Variants in PCDHGA4 observed in about 807,000 individuals in gnomAD.
The protein encoded by PCDHGA4 is protocadherin gamma-A4.
A neutral mutation model predicts 54.6 loss-of-function variants in PCDHGA4; 38 were observed. The observed-to-expected ratio is 0.70, with a 90% CI of 0.54 to 0.91. The LOEUF (loss-of-function observed/expected upper bound fraction) is 0.91. PCDHGA4 is among the 40% of genes least tolerant of loss of function. The pLI, the probability that PCDHGA4 is intolerant of heterozygous loss-of-function variation, is 0.00. For missense variants in PCDHGA4, 1,298 were observed against 1,220.9 expected (o/e 1.06, Z -0.94); for synonymous variants, 511 against 512.9 (o/e 1.00, Z 0.05).
At chr5:141,371,158 T>C in intron 1 of PCDHGA4, 1 of 1,614,040 alleles carries the variant, frequency 6.2e-7, no homozygotes, top group Non-Finnish European at 8.5e-7. Context: ...GCAGAGAACC[T>C]GCCCGCTGGC....
In PCDHGA4 at chr5:141,454,796, A is replaced by ATTTT. The variant is rs61612330; in HGVS notation, c.2515-39985_2515-39982dup. Among the ~76,000 whole-genome samples, 123 of 77,452 alleles carry ATTTT rather than the reference A, an allele frequency of 1.6e-3. 16 individuals are homozygous for ATTTT. The highest frequency in any genetic ancestry group is 7.2e-3 in the South Asian group (14 of 1,958). 50.8% of individuals were successfully genotyped at this position (77,452 alleles called of 152,430 possible). On this transcript the variant is annotated intron_variant, in intron 1 of 3. Coordinates refer to ENST00000571252, the MANE Select transcript of PCDHGA4 (RefSeq NM_018917.4). ...AAGGAAATAATCCTCCATGGTTCTAATTTTTTTTTTTTTTTTTTTTTTTTT... is the reference window on the plus strand; with the variant it reads ...AAGGAAATAATCCTCCATGGTTCTAATTTTTTTTTTTTTTTTTTTTTTTTTTTTT...
rs1386912520 is a variant in PCDHGA4 at position 141,505,425 on chromosome 5, C to T, written c.2606C>T (p.Pro869Leu). 1.2e-6 allele frequency: 2 copies of T among 1,614,060 alleles called. No individual in the cohort carries two copies. The highest frequency in any genetic ancestry group is 1.7e-6 in the Non-Finnish European group (2 of 1,180,022). The change falls in exon 3 of 4, where the codon CCC becomes CTC. Residue 869 changes from proline to leucine, a missense_variant. Physicochemically the swap from Pro to Leu is moderately conservative, Grantham distance 98 (BLOSUM62 -3). Transcript: ENST00000571252. ...AATGGCGATGACACCGGCACCTGGC[C>T]CAACAACCAGTTTGACACAGAGATG... ...SQNGDDTGTW[P>L]NNQFDTEMLQ... is the part of the protein sequence containing the mutation.
chr5:141,403,242 C>A, intron 1 of PCDHGA4: 1 of 1,613,932 alleles, frequency 6.2e-7, no homozygotes, highest in Non-Finnish European at 8.5e-7. Flanking sequence ...GAGCTCTGTG[C>A]TCAGAGCCCG....
At chr5:141,503,133 C>A (rs1164077875) in intron 2 of PCDHGA4, among the ~76,000 whole-genome samples, 1 of 152,002 alleles carries the variant, frequency 6.6e-6, no homozygotes, top group Non-Finnish European at 1.5e-5. Context: ...CTGGTAGCCC[C>A]TGACACAGCC....
chr5:141,372,242 G>C (rs965293763), intron 1 of PCDHGA4: 3 of 1,613,274 alleles, frequency 1.9e-6, no homozygotes, highest in Non-Finnish European at 2.5e-6. Context: ...AGCCCGGGCT[G>C]TTCAGCCTGG....
chr5:141,390,183 T>C (rs532412915), intron 1 of PCDHGA4: 2 of 1,614,034 alleles, frequency 1.2e-6, no homozygotes, highest in Admixed American at 1.7e-5. Context: ...TTTCCTAAAA[T>C]GTAGTGAGCA....
chr5:141,462,372 C>A (rs2099038225), intron 1 of PCDHGA4, among the ~76,000 whole-genome samples: 1 of 152,096 alleles, frequency 6.6e-6, no homozygotes, highest in African/African-American at 2.4e-5. Flanking sequence ...AGTTTCTATT[C>A]TTTTAAATTC....
chr5:141,370,490 G>C (rs780342479), intron 1 of PCDHGA4: 2 of 1,613,894 alleles, frequency 1.2e-6, no homozygotes, highest in South Asian at 1.1e-5. Flanking sequence ...TCTCCGAACC[G>C]ATCCGCTACG....
In PCDHGA4 at chr5:141,370,388, G is replaced by A. The variant is rs10052885; in HGVS notation, c.2514+12767G>A. 6.8e-4 allele frequency: 1,046 copies of A among 1,542,246 alleles called. 12 individuals carry two copies. In the African/African-American group the frequency reaches 0.013, roughly 19 times the overall value. Reference sequence around the variant, plus strand: ...GGATTTAGAAAGGCAAAGGCGCAGAGAGCGGGATGGGAAATAGCTCCGGAT... The same window carrying A: ...GGATTTAGAAAGGCAAAGGCGCAGAAAGCGGGATGGGAAATAGCTCCGGAT... On this transcript the variant is annotated intron_variant, in intron 1 of 3. Coordinates refer to ENST00000571252, the MANE Select transcript of PCDHGA4 (RefSeq NM_018917.4).
intron 1 of PCDHGA4, among the ~76,000 whole-genome samples, chr5:141,459,660 T>C (rs73280323): frequency 7.9e-4 from 120 of 152,386 alleles, no homozygotes; most frequent in African/African-American, 2.7e-3. Flanking sequence ...AATATCACTT[T>C]ACATTTTCAT....
intron 1 of PCDHGA4, among the ~76,000 whole-genome samples, chr5:141,463,438 C>CTTTTTTTTT (rs71576115): frequency 4.8e-5 from 5 of 103,252 alleles, no homozygotes; most frequent in African/African-American, 2.2e-4. Context: ...TTTCCTTCTC[C>CTTTTTTTTT]TTTTTTTTTT....
At position 141,384,937 on chromosome 5, in the gene PCDHGA4, C is replaced by T. The variant is rs373048330; in HGVS notation, c.2514+27316C>T. ...CTTGGCCGACCTGGGCAGCCTTGAG[C>T]CCTCCGACGGTCCTTACAACTATGA... On this transcript the variant is annotated intron_variant, in intron 1 of 3. Coordinates refer to ENST00000571252, the MANE Select transcript of PCDHGA4 (RefSeq NM_018917.4). 4.5e-5 allele frequency: 72 copies of T among 1,613,950 alleles called. No homozygotes were observed. The highest frequency in any genetic ancestry group is 2.3e-4 in the Admixed American group (14 of 60,012).
At position 141,382,695 on chromosome 5, in the gene PCDHGA4, G is replaced by A. The variant is rs76993444; in HGVS notation, c.2514+25074G>A. ...TTCACCAACCAGGGAAAAATGGTGCGAGAGATCCCACAGAAACCACCGAGT... is the reference window on the plus strand; with the variant it reads ...TTCACCAACCAGGGAAAAATGGTGCAAGAGATCCCACAGAAACCACCGAGT... On this transcript the variant is annotated intron_variant, in intron 1 of 3. Coordinates refer to ENST00000571252, the MANE Select transcript of PCDHGA4 (RefSeq NM_018917.4). 1.1e-3 allele frequency: 486 copies of A among 451,892 alleles called. 2 individuals carry two copies. The highest frequency in any genetic ancestry group is 9.0e-3 in the African/African-American group (451 of 50,190). The allele number at this position is 451,892 out of a possible 1,614,324, so 28.0% of individuals were successfully genotyped here.
chr5:141,426,437 C>T (rs914971616), intron 1 of PCDHGA4: 6 of 300,546 alleles, frequency 2.0e-5, no homozygotes, highest in South Asian at 6.4e-5. Flanking sequence ...GGGAACCTTG[C>T]GGAGGACATG....
intron 1 of PCDHGA4, chr5:141,362,311 T>C (rs375210721): frequency 2.2e-5 from 35 of 1,613,970 alleles, no homozygotes; most frequent in Non-Finnish European, 2.8e-5. Context: ...TGCTTGGGAC[T>C]GTTTTCAGCC....
intron 1 of PCDHGA4, chr5:141,398,690 G>A (rs1258068362): frequency 1.9e-6 from 3 of 1,613,914 alleles, no homozygotes; most frequent in African/African-American, 1.3e-5. Flanking sequence ...AAACAGGATG[G>A]TAGTAAATAC....
intron 1 of PCDHGA4, chr5:141,413,447 C>T: frequency 2.5e-6 from 4 of 1,614,088 alleles, no homozygotes; most frequent in Non-Finnish European, 3.4e-6. Flanking sequence ...TTGATCACCG[C>T]GGGCAGGATA....
At chr5:141,418,530 G>C in intron 1 of PCDHGA4, 1 of 1,613,952 alleles carries the variant, frequency 6.2e-7, no homozygotes, top group Non-Finnish European at 8.5e-7. Flanking sequence ...CCCCGAAGCG[G>C]TACTGCTCAG....
Position 141,432,479 on chromosome 5 carries a change from G to A in PCDHGA4, c.2515-62328G>A, listed in dbSNP as rs771261875. ...CGCCCTCCCCACGGACGGTTCCACT[G>A]GCGTGGAGCTGGCTCCCCGCTCCGC... On this transcript the variant is annotated intron_variant, in intron 1 of 3. Transcript: ENST00000571252. The surrounding 1 kb of genome is among the most constrained non-coding windows in gnomAD (Gnocchi z 6.0). The A allele has an allele frequency of 3.8e-5, 62 of 1,614,076 alleles. No individual in the cohort carries two copies. Among genetic ancestry groups the A allele is most frequent in the Non-Finnish European group, 4.9e-5 (58 of 1,180,052 alleles).
Sources: allele counts gnomAD v4.1 joint callset (sites outside exome capture counted in the v4.1 genomes callset), GRCh38; gene constraint gnomAD v4.1.1; non-coding constraint Gnocchi (gnomAD v3.1); transcripts MANE v1.5; gene names NCBI Gene and HGNC (gene_info 2026-07-23, HGNC 2026-07-21).